NALF1: variants seen among roughly 807,000 people sequenced by gnomAD.
NALF1 encodes the protein NALCN channel auxiliary factor 1.
In NALF1, 3 loss-of-function variants were observed where a neutral mutation model predicts 48.4. The ratio of observed to expected loss-of-function variants is 0.06; its 90% CI spans 0.03 to 0.16. The LOEUF (loss-of-function observed/expected upper bound fraction) is 0.16, where lower values mean the gene tolerates loss of function less well. Among genes scored for constraint, NALF1 ranks in the 10% least tolerant of loss-of-function variants. The probability of loss-of-function intolerance (pLI) is 1.00; values close to 1 mark genes in which losing one functional copy is unlikely to be tolerated. For missense variants in NALF1, 526 were observed against 571.5 expected (o/e 0.92, Z 0.81); for synonymous variants, 262 against 245.7 (o/e 1.07, Z -0.62).
chr13:107,526,619 T>C (rs2139102427), intron 1 of NALF1, among the ~76,000 whole-genome samples: 1 of 152,280 alleles, frequency 6.6e-6, no homozygotes, highest in South Asian at 2.1e-4. Context: ...GCAAGGGGAC[T>C]CTAACAGAGT....
At chr13:107,307,156 T>C (rs1881952568) in intron 1 of NALF1, among the ~76,000 whole-genome samples, 1 of 152,234 alleles carries the variant, frequency 6.6e-6, no homozygotes. Context: ...TAAATCATTT[T>C]AATTGAAAGT....
At chr13:107,512,237 A>G (rs899447070) in intron 1 of NALF1, among the ~76,000 whole-genome samples, 2 of 152,110 alleles carry the variant, frequency 1.3e-5, no homozygotes, top group African/African-American at 4.8e-5. Context: ...TACTAAAAAT[A>G]TGAAAAATTA....
rs560436818 is a variant in NALF1, at chr13:107,708,227, G to A, written c.915+157455C>T. ...TCTGAAATCAGGAAACTCTTACAAG[G>A]CAAGAAGAATGATCCTTATTTAGAA... is the stretch of plus-strand genomic sequence containing the variant. On this transcript the variant is annotated intron_variant, in intron 1 of 2. Transcript: ENST00000375915. Among the ~76,000 whole-genome samples, 9 of 152,130 alleles carry A rather than the reference G, an allele frequency of 5.9e-5. No homozygotes were observed. The East Asian group carries it at 1.7e-3, about 29-fold the overall frequency.
chr13:107,345,447 T>G (rs766158888), intron 1 of NALF1, among the ~76,000 whole-genome samples: 7 of 152,122 alleles, frequency 4.6e-5, no homozygotes, highest in Non-Finnish European at 1.5e-5. Context: ...GGTATTGGCA[T>G]AAAGACAAAG....
chr13:107,866,568 T>C lies in NALF1; in HGVS notation c.29A>G (p.Gln10Arg). The change falls in exon 1 of 3, where the codon CAG becomes CGG. Residue 10 changes from glutamine to arginine, a missense_variant. Around this residue, in one of 2 missense-constraint regions of NALF1, gnomAD observed 373 missense variants for 355.5 expected, o/e 1.05. Transcript: ENST00000375915. This position sits in a 1 kb window ranked among gnomAD's most constrained non-coding sequence, Gnocchi z 4.4. MTRGAWMCR[Q>R]YDDGLKIWLA... ...CCAGATTTTTAAGCCGTCGTCATAC[T>C]GCCGACACATCCAAGCACCCCTGGT... 1 of 1,610,950 alleles carries C rather than the reference T, an allele frequency of 6.2e-7. No individual in the cohort carries two copies. Among genetic ancestry groups the C allele is most frequent in the Non-Finnish European group, 8.5e-7 (1 of 1,179,768 alleles).
chr13:107,529,134 C>T (rs1876542629), intron 1 of NALF1, among the ~76,000 whole-genome samples: 1 of 152,092 alleles, frequency 6.6e-6, no homozygotes, highest in Non-Finnish European at 1.5e-5. Context: ...CAAGATCTTC[C>T]CACCAGAGAG....
chr13:107,270,830 A>G (rs986976329), intron 1 of NALF1, among the ~76,000 whole-genome samples: 4 of 123,192 alleles, frequency 3.2e-5, no homozygotes, highest in Non-Finnish European at 6.8e-5. Flanking sequence ...CCACCCCACA[A>G]CAGGCCCCGG....
Position 107,456,351 on chromosome 13 carries a change from T to C in NALF1, c.916-245596A>G, listed in dbSNP as rs1884825962. Among the ~76,000 whole-genome samples, 3 of 152,236 alleles carry C rather than the reference T, an allele frequency of 2.0e-5. No homozygotes were observed. In the South Asian group the frequency reaches 6.2e-4, roughly 31 times the overall value. On this transcript the variant is annotated intron_variant, in intron 1 of 2. Transcript: ENST00000375915. ...AGATTTATGTGGCCCATGACATTTATAATTAATTTTTCAAAATTTATTTCT... is the reference window on the plus strand; with the variant it reads ...AGATTTATGTGGCCCATGACATTTACAATTAATTTTTCAAAATTTATTTCT...
chr13:107,338,991 G>A (rs182228684), intron 1 of NALF1, among the ~76,000 whole-genome samples: 4 of 151,878 alleles, frequency 2.6e-5, no homozygotes, highest in East Asian at 1.9e-4. Context: ...AAAATTAGCC[G>A]GGCGTGGTGG....
intron 1 of NALF1, among the ~76,000 whole-genome samples, chr13:107,817,736 G>A (rs1879209949): frequency 6.6e-6 from 1 of 151,980 alleles, no homozygotes; most frequent in Admixed American, 6.6e-5. Context: ...TTCACTCCAG[G>A]GTGCTTCCAT....
intron 1 of NALF1, among the ~76,000 whole-genome samples, chr13:107,832,212 C>A (rs1192288554): frequency 6.6e-6 from 1 of 151,768 alleles, no homozygotes; most frequent in East Asian, 1.9e-4. Context: ...ATTCTACCTT[C>A]AAGCTGATAA....
intron 1 of NALF1, among the ~76,000 whole-genome samples, chr13:107,304,518 G>A (rs1257278346): frequency 6.6e-6 from 1 of 152,200 alleles, no homozygotes; most frequent in Non-Finnish European, 1.5e-5. Context: ...CATGCTCATT[G>A]TAGAACTGCA....
At chr13:107,341,161 T>G (rs1262035585) in intron 1 of NALF1, among the ~76,000 whole-genome samples, 1 of 151,630 alleles carries the variant, frequency 6.6e-6, no homozygotes, top group South Asian at 2.1e-4. Context: ...ACTCTATCAA[T>G]TGACAAACAC....
At chr13:107,245,076 G>A (rs779917489) in intron 1 of NALF1, among the ~76,000 whole-genome samples, 1 of 152,108 alleles carries the variant, frequency 6.6e-6, no homozygotes, top group Non-Finnish European at 1.5e-5. Flanking sequence ...TTTTAGTTTT[G>A]AGGTACCAGA....
At position 107,465,746 on chromosome 13, in the gene NALF1, T is replaced by G. The variant is rs115056486; in HGVS notation, c.916-254991A>C. On this transcript the variant is annotated intron_variant, in intron 1 of 2. Transcript: ENST00000375915. ...TCATTTATACACAACAGAAATGTCTTGCTCACAATTCTGAAATCTGTGAGG... is the reference window on the plus strand; with the variant it reads ...TCATTTATACACAACAGAAATGTCTGGCTCACAATTCTGAAATCTGTGAGG... Among the ~76,000 whole-genome samples the G allele has an allele frequency of 4.1e-3, 624 of 152,296 alleles. 9 individuals carry two copies. The highest frequency in any genetic ancestry group is 0.015 in the African/African-American group (605 of 41,548).
chr13:107,597,141 G>C (rs547273575), intron 1 of NALF1, among the ~76,000 whole-genome samples: 1 of 152,248 alleles, frequency 6.6e-6, no homozygotes, highest in South Asian at 2.1e-4. Flanking sequence ...TATCAGCAGT[G>C]CTTTTGTAGA....
At chr13:107,577,736 C>T (rs944240671) in intron 1 of NALF1, among the ~76,000 whole-genome samples, 1 of 152,036 alleles carries the variant, frequency 6.6e-6, no homozygotes, top group East Asian at 1.9e-4. Context: ...TAAAGACCAC[C>T]CCGTTCTTGA....
chr13:107,462,938 A>G (rs1884943241), intron 1 of NALF1, among the ~76,000 whole-genome samples: 1 of 152,170 alleles, frequency 6.6e-6, no homozygotes, highest in Non-Finnish European at 1.5e-5. Flanking sequence ...CAGCTTTTCC[A>G]AGTCCTATGA....
chr13:107,530,484 C>T (rs1034394474), intron 1 of NALF1, among the ~76,000 whole-genome samples: 1 of 151,992 alleles, frequency 6.6e-6, no homozygotes, highest in Non-Finnish European at 1.5e-5. Flanking sequence ...AAATCTAAGA[C>T]ATTCCTCTAA....
Sources: gnomAD v4.1 joint callset for allele counts (sites outside exome capture counted in the v4.1 genomes callset) on GRCh38, gnomAD v4.1.1 for gene constraint, gnomAD v4.1.1 regional missense constraint, Gnocchi (gnomAD v3.1) non-coding constraint, MANE v1.5 for transcripts, NCBI Gene and HGNC (gene_info 2026-07-23, HGNC 2026-07-21) for gene names.